Variants in ZDHHC7 observed in about 807,000 individuals in gnomAD.
ZDHHC7 encodes zDHHC palmitoyltransferase 7.
A neutral mutation model predicts 34.1 loss-of-function variants in ZDHHC7; 12 were observed. The observed-to-expected ratio is 0.35, with a 90% CI of 0.23 to 0.57. The LOEUF is 0.57. Ranked by LOEUF, ZDHHC7 falls within the 20% of genes least tolerant of loss-of-function variation. The pLI is 0.84. For synonymous variants in ZDHHC7, 185 were observed against 155.4 expected, an observed-to-expected ratio of 1.19 and a Z score of -1.42; for missense variants, 388 against 402.7, an observed-to-expected ratio of 0.96 and a Z score of 0.31.
At chr16:85,013,402 C>G (rs1196458529), upstream of ZDHHC7, among the ~76,000 whole-genome samples, 1 of 152,026 alleles carries the variant, frequency 6.6e-6, no homozygotes, top group East Asian at 1.9e-4. Flanking sequence ...GCCACCACGT[C>G]CGGCTAATTT....
chr16:85,005,647 G>A lies in ZDHHC7; in HGVS notation c.-104+5639C>T, dbSNP rs549596103. Among the ~76,000 whole-genome samples the A allele has an allele frequency of 3.3e-5, 5 of 152,290 alleles. No homozygotes were observed. In the South Asian group the frequency reaches 1.0e-3, roughly 32 times the overall value. On this transcript the variant is annotated intron_variant, in intron 1 of 7. Coordinates refer to ENST00000313732, the MANE Select transcript of ZDHHC7 (RefSeq NM_017740.3). ...AAGTGCATTCTGTAATGAATAAATT[G>A]AATGTTGGAAATATGGAATCTAAGA...
At chr16:85,020,893 C>T in the ZDHHC7 span, among the ~76,000 whole-genome samples, 2 of 151,152 alleles carry the variant, frequency 1.3e-5, no homozygotes, top group African/African-American at 2.4e-5. Flanking sequence ...TTACCTGAGC[C>T]CAGAAGTTTG....
At position 84,981,250 on chromosome 16, in the gene ZDHHC7, C is replaced by A. The variant is rs544103501; in HGVS notation, c.440+620G>T. On this transcript the variant is annotated intron_variant, in intron 4 of 7. Transcript: ENST00000313732. ...ACCAGCAGGGGTGAGGTGTGAGGGC[C>A]AGGAAGGCTACTTGAGCCAGGCAGA... 3.9e-5 allele frequency among the ~76,000 whole-genome samples: 6 copies of A among 152,224 alleles called. No homozygotes were observed. The South Asian group carries it at 8.3e-4, about 21-fold the overall frequency.
At chr16:84,976,637 G>T in intron 7 of ZDHHC7, 118 bp from the exon 8 acceptor site, 1 of 1,344,776 alleles carries the variant, frequency 7.4e-7, no homozygotes, top group Non-Finnish European at 1.0e-6. Flanking sequence ...GTAGGTGAGT[G>T]AACTCTCCTT....
chr16:84,996,306 C>T (rs1245829654), intron 1 of ZDHHC7, among the ~76,000 whole-genome samples: 1 of 152,208 alleles, frequency 6.6e-6, no homozygotes, highest in Non-Finnish European at 1.5e-5. Context: ...TCCCCTAGGG[C>T]AGACCAAATC....
chr16:85,013,648 G>C (rs2072822113), upstream of ZDHHC7, among the ~76,000 whole-genome samples: 1 of 152,090 alleles, frequency 6.6e-6, no homozygotes, highest in Non-Finnish European at 1.5e-5. Flanking sequence ...AGATGTACAT[G>C]TTAATAAACT....
At chr16:84,988,729 C>G (rs750509443) in intron 3 of ZDHHC7, 1 of 1,543,956 alleles carries the variant, frequency 6.5e-7, no homozygotes, top group African/African-American at 1.4e-5. Context: ...CCCAGCCAGG[C>G]TGACCCTCCC....
At position 84,990,487 on chromosome 16, in the gene ZDHHC7, G is replaced by A. The variant is rs756187488; in HGVS notation, c.132C>T (p.Asp44=). 52 of 1,614,050 alleles carry A rather than the reference G, an allele frequency of 3.2e-5. No homozygotes were observed. The highest frequency in any genetic ancestry group is 1.9e-4 in the South Asian group (17 of 91,080). Reference sequence around the variant, plus strand: ...TGACAGCACAGATCATGCCGCAGCCGTCACGGATGAACCAGACCCGGTCAG... The same window carrying A: ...TGACAGCACAGATCATGCCGCAGCCATCACGGATGAACCAGACCCGGTCAG... ...DVADRVWFIR[D]GCGMICAVMT... Residue 44 remains aspartate (D), a synonymous_variant, in exon 3 of 8, where the codon GAC becomes GAT. Coordinates refer to ENST00000313732, the MANE Select transcript of ZDHHC7 (RefSeq NM_017740.3).
chr16:85,014,820 G>C (rs1365359899), upstream of ZDHHC7, among the ~76,000 whole-genome samples: 2 of 152,132 alleles, frequency 1.3e-5, no homozygotes, highest in African/African-American at 4.8e-5. Flanking sequence ...TCACAGTTTG[G>C]TTTTTGACAT....
Position 84,977,292 on chromosome 16 carries a change from G to C in ZDHHC7, c.620-67C>G, listed in dbSNP as rs879416043. On this transcript the variant is annotated intron_variant, in intron 6 of 7. Transcript: ENST00000313732. Reference sequence around the variant, plus strand: ...CCCGAGTGGCAGAATGTTTGGCTCAGAGAAGAATCCTCTAGGGCCAGCCCC... The same window carrying C: ...CCCGAGTGGCAGAATGTTTGGCTCACAGAAGAATCCTCTAGGGCCAGCCCC... 13 of 1,589,012 alleles carry C rather than the reference G, an allele frequency of 8.2e-6. No homozygotes were observed. The African/African-American group carries it at 1.2e-4, about 15-fold the overall frequency.
At chr16:84,992,164 AAAG>A (rs1323254167) in intron 2 of ZDHHC7, among the ~76,000 whole-genome samples, 5 of 144,164 alleles carry the variant, frequency 3.5e-5, no homozygotes, top group African/African-American at 1.3e-4. Context: ...TCAAAAAAAA[AAAG>A]AAAAGAAAAG....
rs1372456663 is a variant in ZDHHC7 at position 84,990,551 on chromosome 16, T to C, written c.68A>G (p.Tyr23Cys). ...HHPLLAENDN[Y>C]DSSSSSSSEA... ...GGAGGAGGAGGACGATGAAGAGTCA[T>C]AGTTGTCATTTTCAGCCAGGAGAGG... is the stretch of plus-strand genomic sequence containing the variant. The change falls in exon 3 of 8, where the codon TAT (tyrosine) becomes TGT (cysteine). Residue 23 changes from tyrosine to cysteine, a missense_variant. Transcript: ENST00000313732. The C allele has an allele frequency of 7.4e-6, 12 of 1,614,048 alleles. No homozygotes were observed. The highest frequency in any genetic ancestry group is 4.0e-5 in the African/African-American group (3 of 75,008).
upstream of ZDHHC7, among the ~76,000 whole-genome samples, chr16:85,012,986 G>T (rs2072814043): frequency 6.6e-6 from 1 of 152,142 alleles, no homozygotes; most frequent in African/African-American, 2.4e-5. Context: ...TCAGCTGAAG[G>T]CAATTAAGAA....
At chr16:84,985,946 C>T (rs2072430487) in intron 3 of ZDHHC7, among the ~76,000 whole-genome samples, 1 of 98,822 alleles carries the variant, frequency 1.0e-5, no homozygotes, top group African/African-American at 4.7e-5. Flanking sequence ...CAGAGTGAGA[C>T]TGTCTCAAAA....
At chr16:84,978,059 A>G in intron 5 of ZDHHC7, 54 bp from the exon 6 acceptor site, 1 of 1,440,538 alleles carries the variant, frequency 6.9e-7, no homozygotes. Flanking sequence ...TTTTTTAGAA[A>G]CAGAGTCTCC....
upstream of ZDHHC7, among the ~76,000 whole-genome samples, chr16:85,013,232 T>C (rs184010709): frequency 1.7e-4 from 26 of 152,258 alleles, no homozygotes; most frequent in Non-Finnish European, 2.6e-4. Context: ...AGTATTGTTC[T>C]TTTATTATTA....
chr16:84,997,304 T>C, intron 1 of ZDHHC7, among the ~76,000 whole-genome samples: 2 of 144,564 alleles, frequency 1.4e-5, no homozygotes. Flanking sequence ...AGTCTTGCTC[T>C]GTCGCCCAGG....
In ZDHHC7 at chr16:84,989,689, C is replaced by T. The variant is rs571595497; in HGVS notation, c.315+615G>A. Reference sequence around the variant, plus strand: ...AGCCTGGGCAAAAAGAGCAAAACTCCGTCTCAAAAAAAAAAAAAAAAAAAA... The same window carrying T: ...AGCCTGGGCAAAAAGAGCAAAACTCTGTCTCAAAAAAAAAAAAAAAAAAAA... On this transcript the variant is annotated intron_variant, in intron 3 of 7. Coordinates refer to ENST00000313732, the MANE Select transcript of ZDHHC7 (RefSeq NM_017740.3). Among the ~76,000 whole-genome samples, 22 of 107,980 alleles carry T rather than the reference C, an allele frequency of 2.0e-4. No homozygotes were observed. The East Asian group carries it at 5.5e-3, about 27-fold the overall frequency. The allele number at this position is 107,980 out of a possible 152,430, so 70.8% of individuals were successfully genotyped here. A position where few individuals can be genotyped will look rare whatever the true frequency, so the allele number is the denominator to read the frequency against.
intron 1 of ZDHHC7, among the ~76,000 whole-genome samples, chr16:85,010,090 C>T (rs1471980739): frequency 6.8e-6 from 1 of 148,124 alleles, no homozygotes; most frequent in Admixed American, 6.9e-5. Flanking sequence ...GTTGCCCAGG[C>T]TGCAGTGCTG....
Sources: allele counts gnomAD v4.1 joint callset (sites outside exome capture counted in the v4.1 genomes callset), GRCh38; gene constraint gnomAD v4.1.1; transcripts MANE v1.5; gene names NCBI Gene and HGNC (gene_info 2026-07-23, HGNC 2026-07-21).